The following PDIA3 variants were observed in gnomAD, a reference collection of about 807,000 sequenced individuals.
PDIA3 encodes protein disulfide isomerase family A member 3.
Under a neutral mutation model 56.9 loss-of-function variants are expected in PDIA3, and 16 were observed. The ratio of observed to expected loss-of-function variants is 0.28; its 90% CI spans 0.19 to 0.43. The LOEUF (loss-of-function observed/expected upper bound fraction) is 0.43. Ranked by LOEUF, PDIA3 falls within the 20% of genes least tolerant of loss-of-function variation. PDIA3 has a pLI of 1.00. For missense variants in PDIA3, 485 were observed against 621.3 expected (o/e 0.78, Z 2.33); for synonymous variants, 192 against 216.5 (o/e 0.89, Z 0.99).
intron 5 of PDIA3, among the ~76,000 whole-genome samples, chr15:43,764,297 CTAAGGAGAATTCTAAGGACTA>C (rs983795013): frequency 3.9e-5 from 6 of 152,032 alleles, no homozygotes; most frequent in Non-Finnish European, 7.4e-5. Context: ...TCTAAGGATT[CTAAGGAGAATTCTAAGGACTA>C]TAAGGAGAAT....
Position 43,761,503 on chromosome 15 carries a change from C to T in PDIA3, c.444C>T (p.Phe148=), listed in dbSNP as rs2086815963. 6.3e-7 allele frequency: 1 copy of T among 1,581,698 alleles called. No individual in the cohort carries two copies. The highest frequency in any genetic ancestry group is 8.7e-7 in the Non-Finnish European group (1 of 1,153,100). Residue 148 remains phenylalanine, a synonymous_variant, in exon 4 of 13, where the codon TTC becomes TTT. Coordinates refer to ENST00000300289, the MANE Select transcript of PDIA3 (RefSeq NM_005313.5). ...PLRTEEEFKK[F]ISDKDASIVG... is the part of the protein sequence containing the mutation. Reference sequence around the variant, plus strand: ...GGACTGAGGAAGAATTTAAGAAATTCATTAGTGATAAAGATGCCTCTATAG... The same window carrying T: ...GGACTGAGGAAGAATTTAAGAAATTTATTAGTGATAAAGATGCCTCTATAG...
chr15:43,762,349 T>C (rs1300070587), intron 4 of PDIA3, among the ~76,000 whole-genome samples: 1 of 152,034 alleles, frequency 6.6e-6, no homozygotes, highest in Non-Finnish European at 1.5e-5. Context: ...CTGTCTCTAC[T>C]AAAAATACAA....
intron 3 of PDIA3, among the ~76,000 whole-genome samples, chr15:43,757,430 C>T (rs1442508552): frequency 2.0e-5 from 3 of 150,870 alleles, no homozygotes; most frequent in African/African-American, 4.9e-5. Flanking sequence ...TGGTGGCGGG[C>T]GCCTGTAGTC....
chr15:43,761,551 C>A lies in PDIA3; in HGVS notation c.472+20C>A. The A allele has an allele frequency of 8.2e-7, 1 of 1,223,788 alleles. No homozygotes were observed. The highest frequency in any genetic ancestry group is 1.2e-6 in the Non-Finnish European group (1 of 832,384). 75.8% of individuals were successfully genotyped at this position (1,223,788 alleles called of 1,614,324 possible). ...TAGTAGGTAAGTAGCAAATATTAAA[C>A]CGTGCCACAGAATTGTCAGTTTGGT... is the stretch of plus-strand genomic sequence containing the variant. On this transcript the variant is annotated intron_variant, in intron 4 of 12. Coordinates refer to ENST00000300289, the MANE Select transcript of PDIA3 (RefSeq NM_005313.5).
At position 43,770,550 on chromosome 15, in the gene PDIA3, C is replaced by T. The variant is rs200690601; in HGVS notation, c.1374C>T (p.Ala458=). The change falls in exon 12 of 13, where the codon GCC becomes GCT. Residue 458 remains alanine (A), a synonymous_variant. Coordinates refer to ENST00000300289, the MANE Select transcript of PDIA3 (RefSeq NM_005313.5). ...RGFPTIYFSP[A]NKKLNPKKYE... ...TTCCTACCATATACTTCTCTCCAGC[C>T]AACAAGAAGCTAAATCCAAAGAAAT... The T allele has an allele frequency of 7.9e-5, 128 of 1,611,738 alleles. No individual in the cohort carries two copies. Among genetic ancestry groups the T allele is most frequent in the Middle Eastern group, 5.0e-4 (3 of 6,060 alleles).
At chr15:43,751,619 T>C (rs1284437027) in intron 1 of PDIA3, 1 of 1,304,142 alleles carries the variant, frequency 7.7e-7, no homozygotes, top group South Asian at 1.2e-5. Context: ...GAGAGTCTCC[T>C]CCAGCCTCAT....
intron 1 of PDIA3, 147 bp from the exon 2 acceptor site, chr15:43,753,677 T>C (rs2086758951): frequency 1.6e-6 from 1 of 619,114 alleles, no homozygotes; most frequent in African/African-American, 1.8e-5. Flanking sequence ...TTAACAATAA[T>C]GAATGTTGTT....
intron 12 of PDIA3, 91 bp downstream of exon 12, chr15:43,770,671 A>AT: frequency 2.2e-6 from 2 of 916,258 alleles, no homozygotes; most frequent in Non-Finnish European, 3.4e-6. Context: ...TTATTTATTT[A>AT]TTTAATTATT....
Position 43,765,877 on chromosome 15 carries a change from T to A in PDIA3, c.720-10T>A. 1 of 1,603,732 alleles carries A rather than the reference T, an allele frequency of 6.2e-7. No individual in the cohort carries two copies. The highest frequency in any genetic ancestry group is 1.3e-5 in the African/African-American group (1 of 74,474). On this transcript the variant is annotated splice_polypyrimidine_tract_variant and intron_variant, in intron 6 of 12. Transcript: ENST00000300289. The stretch of plus-strand genomic sequence containing the variant: ...GGCAAGCCAGTTGATAATGGATTAT[T>A]TCATTTCAGTTTTGGTATCTGCCCT...
intron 5 of PDIA3, among the ~76,000 whole-genome samples, chr15:43,764,893 A>C (rs1385205536): frequency 2.6e-5 from 4 of 152,232 alleles, no homozygotes; most frequent in Admixed American, 6.5e-5. Context: ...GGGAACTATG[A>C]TTAGAACCAC....
At chr15:43,761,632 T>C (rs570928040) in intron 4 of PDIA3, 101 bp downstream of exon 4, 474 of 643,910 alleles carry the variant, frequency 7.4e-4, no homozygotes, top group African/African-American at 5.6e-3. Context: ...TAAGGAAACC[T>C]TGGGGCAGTT....
At position 43,766,878 on chromosome 15, in the gene PDIA3, A is replaced by T; in HGVS notation, c.996A>T (p.Lys332Asn). Reference protein sequence around the residue: ...EIPVVAIRTAKGEKFVMQEEF... With the variant: ...EIPVVAIRTANGEKFVMQEEF... Reference sequence around the variant, plus strand: ...CTGTTGTTGCTATCAGAACTGCTAAAGGAGAGAAGTTTGTCATGCAGGAGG... The same window carrying T: ...CTGTTGTTGCTATCAGAACTGCTAATGGAGAGAAGTTTGTCATGCAGGAGG... The change falls in exon 8 of 13, where the codon AAA (lysine) becomes AAT (asparagine). Residue 332 changes from lysine to asparagine, a missense_variant. Transcript: ENST00000300289. The T allele has an allele frequency of 6.2e-7, 1 of 1,614,128 alleles. No individual in the cohort carries two copies. Among genetic ancestry groups the T allele is most frequent in the South Asian group, 1.1e-5 (1 of 91,088 alleles).
At chr15:43,766,081 C>A in intron 7 of PDIA3, 69 bp downstream of exon 7, 2 of 1,260,868 alleles carry the variant, frequency 1.6e-6, no homozygotes, top group South Asian at 1.5e-5. Flanking sequence ...TTCTAACTAT[C>A]TTGTTGGTTC....
intron 12 of PDIA3, 143 bp downstream of exon 12, chr15:43,770,723 C>T: frequency 3.1e-6 from 2 of 649,494 alleles, no homozygotes; most frequent in South Asian, 3.9e-5. Flanking sequence ...GGCTGGAGTG[C>T]AATGGCGTGA....
rs2086706151 is a variant in PDIA3 at position 43,746,536 on chromosome 15, C to T, written c.-4C>T. ...TCCGGCCGTCCCCACCCCACCTCGCCGCCATGCGCCTCCGCCGCCTAGCGC... is the reference window on the plus strand; with the variant it reads ...TCCGGCCGTCCCCACCCCACCTCGCTGCCATGCGCCTCCGCCGCCTAGCGC... On this transcript the variant is annotated 5_prime_UTR_variant, in exon 1 of 13. Coordinates refer to ENST00000300289, the MANE Select transcript of PDIA3 (RefSeq NM_005313.5). The T allele has an allele frequency of 1.9e-6, 3 of 1,594,998 alleles. No individual in the cohort carries two copies. Among genetic ancestry groups the T allele is most frequent in the Non-Finnish European group, 2.6e-6 (3 of 1,172,846 alleles).
At chr15:43,760,284 A>G (rs2086805935) in intron 3 of PDIA3, among the ~76,000 whole-genome samples, 1 of 151,674 alleles carries the variant, frequency 6.6e-6, no homozygotes, top group South Asian at 2.1e-4. Context: ...CCAGCTACTC[A>G]GGAGACTGAG....
At position 43,773,150 on chromosome 15, in the gene PDIA3, A is replaced by G; in HGVS notation, c.*1932A>G. ...CCTGTTCTTTTCCTCAAACTCCAGG[A>G]TGAGACCTTTAATGTGGGACAATTT... On this transcript the variant is annotated 3_prime_UTR_variant, in exon 13 of 13. Transcript: ENST00000300289. 6.2e-7 allele frequency: 1 copy of G among 1,613,434 alleles called. No homozygotes were observed. The highest frequency in any genetic ancestry group is 8.5e-7 in the Non-Finnish European group (1 of 1,179,844).
At chr15:43,754,392 C>CA (rs1048781007) in intron 2 of PDIA3, among the ~76,000 whole-genome samples, 1,382 of 50,592 alleles carry the variant, frequency 0.027, 28 homozygotes, top group African/African-American at 0.061. Context: ...GACTCCGTCT[C>CA]AAAAAAAAAA....
At position 43,762,511 on chromosome 15, in the gene PDIA3, C is replaced by T. The variant is rs566039348; in HGVS notation, c.473-566C>T. 5.8e-3 allele frequency among the ~76,000 whole-genome samples: 327 copies of T among 55,984 alleles called. 2 individuals carry two copies. The highest frequency in any genetic ancestry group is 0.014 in the Middle Eastern group (1 of 72). 36.7% of individuals were successfully genotyped at this position (55,984 alleles called of 152,430 possible). ...GGGCAACAAGAGCAAAACTCTGTCG[C>T]AAAAAAAAAAAAAAAAAAGTGACTT... On this transcript the variant is annotated intron_variant, in intron 4 of 12. Coordinates refer to ENST00000300289, the MANE Select transcript of PDIA3 (RefSeq NM_005313.5).
Sources: gnomAD v4.1 joint callset for allele counts (sites outside exome capture counted in the v4.1 genomes callset) on GRCh38, gnomAD v4.1.1 for gene constraint, MANE v1.5 for transcripts, NCBI Gene and HGNC (gene_info 2026-07-23, HGNC 2026-07-21) for gene names.